MSANTD2: variants seen among roughly 807,000 people sequenced by gnomAD.
The protein encoded by MSANTD2 is Myb/SANT DNA binding domain containing 2.
Under a neutral mutation model 52.6 loss-of-function variants are expected in MSANTD2, and 19 were observed. The observed-to-expected ratio is 0.36, with a 90% CI of 0.25 to 0.53. The LOEUF is 0.53. MSANTD2 is among the 20% of genes least tolerant of loss of function. The pLI is 0.91. For missense variants in MSANTD2, 558 were observed against 716.3 expected, an observed-to-expected ratio of 0.78 and a Z score of 2.52; for synonymous variants, 291 against 289.7, an observed-to-expected ratio of 1.00 and a Z score of -0.04.
chr11:124,791,647 T>C, intron 1 of MSANTD2: 1 of 1,468,384 alleles, frequency 6.8e-7, no homozygotes, highest in Non-Finnish European at 9.5e-7. Flanking sequence ...AGACTTTCTT[T>C]GCACCAGCAT....
At chr11:124,780,577 C>G (rs1018334395) in intron 1 of MSANTD2, among the ~76,000 whole-genome samples, 2 of 152,164 alleles carry the variant, frequency 1.3e-5, no homozygotes, top group Non-Finnish European at 1.5e-5. Flanking sequence ...CATACACAAC[C>G]TGTCCCATAC....
At position 124,774,256 on chromosome 11, in the gene MSANTD2, TAAACAGA is replaced by T. The variant is rs1378834203; in HGVS notation, c.766+456_766+462del. ...CTGAGAGAAGACCTTTTCCAAATCA[TAAACAGA>T]AAAGAAAAATGTATTTGGGATAAAA... is the stretch of plus-strand genomic sequence containing the variant. On this transcript the variant is annotated intron_variant, in intron 2 of 3. Transcript: ENST00000374979. The surrounding 1 kb of genome is among the most constrained non-coding windows in gnomAD (Gnocchi z 5.1). Among the ~76,000 whole-genome samples the T allele has an allele frequency of 6.6e-6, 1 of 152,100 alleles. No individual in the cohort carries two copies. Among genetic ancestry groups the T allele is most frequent in the Admixed American group, 6.6e-5 (1 of 15,262 alleles).
At chr11:124,768,053 T>C in intron 3 of MSANTD2, 25 bp from the exon 4 acceptor site, 2 of 1,581,544 alleles carry the variant, frequency 1.3e-6, no homozygotes, top group South Asian at 1.2e-5. Flanking sequence ...AAAAGTCAAA[T>C]TCCCTAAGTA....
rs1360497729 is a variant in MSANTD2, at chr11:124,767,395, C to A, written c.1461G>T (p.Gln487His). ...TCGCTTGGAAATGTAAAAATAAGCA[C>A]TGCTGTAGAGTCCTGACCTCAGCAA... is the stretch of plus-strand genomic sequence containing the variant. ...LGIAEVRTLQ[Q>H]CLFLHFQANT... The change falls in exon 4 of 4, where the codon CAG (glutamine) becomes CAT (histidine). Residue 487 changes from glutamine to histidine, a missense_variant. By Grantham distance (24) the Gln-to-His change is conservative. This residue lies in a region of MSANTD2 where 408 missense variants were observed against 573.6 expected (regional missense o/e 0.71). Coordinates refer to ENST00000374979, the MANE Select transcript of MSANTD2 (RefSeq NM_001308027.2). The surrounding 1 kb of genome is among the most constrained non-coding windows in gnomAD (Gnocchi z 6.5). The A allele has an allele frequency of 6.2e-7, 1 of 1,614,206 alleles. No homozygotes were observed. Among genetic ancestry groups the A allele is most frequent in the Non-Finnish European group, 8.5e-7 (1 of 1,180,036 alleles).
At chr11:124,797,239 C>G (rs1481154293) in intron 1 of MSANTD2, among the ~76,000 whole-genome samples, 1 of 152,216 alleles carries the variant, frequency 6.6e-6, no homozygotes, top group South Asian at 2.1e-4. Context: ...AATCCCAGCA[C>G]TTTGGGAGGC....
At chr11:124,781,813 C>A (rs554134660) in intron 1 of MSANTD2, among the ~76,000 whole-genome samples, 14 of 152,124 alleles carry the variant, frequency 9.2e-5, no homozygotes, top group African/African-American at 3.4e-4. Context: ...CCACCACGCT[C>A]GGCTAATTTT....
At position 124,779,638 on chromosome 11, in the gene MSANTD2, C is replaced by T. The variant is rs1389522033; in HGVS notation, c.511-4664G>A. Among the ~76,000 whole-genome samples, 1 of 152,148 alleles carries T rather than the reference C, an allele frequency of 6.6e-6. No individual in the cohort carries two copies. The highest frequency in any genetic ancestry group is 2.1e-4 in the South Asian group (1 of 4,824). ...AAATAAAGTCAATCTGCAAGGAGGA[C>T]AGCTTAGTTATAATAGCAGGAAACA... On this transcript the variant is annotated intron_variant, in intron 1 of 3. Transcript: ENST00000374979. The surrounding 1 kb of genome is among the most constrained non-coding windows in gnomAD (Gnocchi z 4.6).
At chr11:124,768,984 C>T (rs1203552987) in intron 3 of MSANTD2, among the ~76,000 whole-genome samples, 1 of 152,148 alleles carries the variant, frequency 6.6e-6, no homozygotes, top group Non-Finnish European at 1.5e-5. Context: ...ATTAACTTGG[C>T]AACAAACTAC....
In MSANTD2 at chr11:124,800,196, G is replaced by T; in HGVS notation, c.185C>A (p.Ala62Glu). ...CAGCCCCAGCCCGAGACCCCCGGAC[G>T]CCGCTGCCCCCGAGCCCGCCGCACT... ...PGSAAGSGAAASGGLGLGLGG... is the reference protein window; with the variant it reads ...PGSAAGSGAAESGGLGLGLGG... The change falls in exon 1 of 4, where the codon GCG (alanine) becomes GAG (glutamate). Residue 62 changes from alanine to glutamate, a missense_variant. By Grantham distance (107) the Ala-to-Glu change is moderately radical. Transcript: ENST00000374979. The surrounding 1 kb of genome is among the most constrained non-coding windows in gnomAD (Gnocchi z 4.3). The T allele has an allele frequency of 6.8e-7, 1 of 1,469,486 alleles. No homozygotes were observed. The allele number at this position is 1,469,486 out of a possible 1,614,324, so 91.0% of individuals were successfully genotyped here.
chr11:124,785,456 G>C (rs1031820164), intron 1 of MSANTD2, among the ~76,000 whole-genome samples: 2 of 152,246 alleles, frequency 1.3e-5, no homozygotes, highest in Non-Finnish European at 2.9e-5. Flanking sequence ...TTAAAGTAGA[G>C]TTGCAACAGC....
chr11:124,787,209 T>C (rs1052160456), intron 1 of MSANTD2, among the ~76,000 whole-genome samples: 1 of 152,132 alleles, frequency 6.6e-6, no homozygotes, highest in Admixed American at 6.6e-5. Flanking sequence ...TCAAATAAAG[T>C]AGTGCAGCAA....
intron 1 of MSANTD2, among the ~76,000 whole-genome samples, chr11:124,797,765 C>G (rs1289883360): frequency 1.3e-5 from 2 of 152,150 alleles, no homozygotes; most frequent in Admixed American, 1.3e-4. Flanking sequence ...TCCCAAAATA[C>G]CCTAAGAGCT....
At chr11:124,791,471 A>G in intron 1 of MSANTD2, 2 of 1,141,016 alleles carry the variant, frequency 1.8e-6, no homozygotes, top group Non-Finnish European at 1.3e-6. Flanking sequence ...CTGGGAGGTC[A>G]GGCGAGTCAC....
Position 124,774,797 on chromosome 11 carries a change from T to C in MSANTD2, c.688A>G (p.Thr230Ala), listed in dbSNP as rs1382855345. ...LYQELESDGS[T>A]MEDYSQEDWG... The stretch of plus-strand genomic sequence containing the variant: ...TCCTCCTGTGAATAGTCCTCCATAG[T>C]GCTGCCATCTGACTCCAGCTCCTGG... Residue 230 changes from threonine (T) to alanine (A), a missense_variant, in exon 2 of 4, where the codon ACT becomes GCT. Thr to Ala is a moderately conservative substitution (Grantham distance 58). Transcript: ENST00000374979. The surrounding 1 kb of genome is among the most constrained non-coding windows in gnomAD (Gnocchi z 5.1). 4 of 1,614,088 alleles carry C rather than the reference T, an allele frequency of 2.5e-6. No individual in the cohort carries two copies. The highest frequency in any genetic ancestry group is 2.5e-6 in the Non-Finnish European group (3 of 1,180,036).
intron 1 of MSANTD2, among the ~76,000 whole-genome samples, chr11:124,795,567 G>A (rs573190469): frequency 1.8e-4 from 27 of 152,242 alleles, no homozygotes; most frequent in East Asian, 3.9e-4. Flanking sequence ...ATCAAGTACC[G>A]CCTTGCATTC....
chr11:124,796,987 T>C (rs1205438626), intron 1 of MSANTD2, among the ~76,000 whole-genome samples: 8 of 152,220 alleles, frequency 5.3e-5, no homozygotes, highest in African/African-American at 1.9e-4. Context: ...GAACATCCAC[T>C]TCATAATTGT....
intron 1 of MSANTD2, chr11:124,783,632 T>C (rs545467675): frequency 6.8e-6 from 5 of 735,962 alleles, no homozygotes; most frequent in Non-Finnish European, 8.3e-6. Context: ...AAAATAAAAA[T>C]AAAAAATAAA....
At chr11:124,787,147 T>C (rs1389289164) in intron 1 of MSANTD2, among the ~76,000 whole-genome samples, 1 of 152,206 alleles carries the variant, frequency 6.6e-6, no homozygotes, top group Non-Finnish European at 1.5e-5. Context: ...ATTACAAAAA[T>C]GATACAGTCA....
At chr11:124,786,263 C>T (rs79921249) in intron 1 of MSANTD2, among the ~76,000 whole-genome samples, 1,949 of 152,134 alleles carry the variant, frequency 0.013, 51 homozygotes, top group African/African-American at 0.045. Context: ...TGCACCACCA[C>T]GCCAAGCTGG....
Sources: gnomAD v4.1 joint callset for allele counts (sites outside exome capture counted in the v4.1 genomes callset) on GRCh38, gnomAD v4.1.1 for gene constraint, gnomAD v4.1.1 regional missense constraint, Gnocchi (gnomAD v3.1) non-coding constraint, MANE v1.5 for transcripts, NCBI Gene and HGNC (gene_info 2026-07-23, HGNC 2026-07-21) for gene names.